The following CDH11 variants were observed in gnomAD, a reference collection of about 807,000 sequenced individuals.
CDH11 encodes the protein cadherin-11.
Under a neutral mutation model 67.8 loss-of-function variants are expected in CDH11, and 11 were observed. The ratio of observed to expected loss-of-function variants is 0.16; its 90% CI spans 0.10 to 0.27. The LOEUF (loss-of-function observed/expected upper bound fraction) is 0.27. Among genes scored for constraint, CDH11 ranks in the 10% least tolerant of loss-of-function variants. CDH11 has a pLI of 1.00. For synonymous variants in CDH11, 419 were observed against 400.0 expected (o/e 1.05, Z -0.57); for missense variants, 847 against 1,031.2 (o/e 0.82, Z 2.45).
At chr16:65,068,595 C>T (rs186268447) in intron 1 of CDH11, among the ~76,000 whole-genome samples, 46 of 152,242 alleles carry the variant, frequency 3.0e-4, no homozygotes, top group Middle Eastern at 3.4e-3. Flanking sequence ...ATTACCAGAT[C>T]ATTTCTGCAC....
intron 7 of CDH11, among the ~76,000 whole-genome samples, chr16:64,984,229 T>C (rs1297920363): frequency 6.6e-6 from 1 of 152,002 alleles, no homozygotes; most frequent in Non-Finnish European, 1.5e-5. Context: ...CCCAGCGAGG[T>C]GGGGGTTGGA....
rs78265108 is a variant in CDH11 at position 65,098,077 on chromosome 16, A to G, written c.-298+23803T>C. Reference sequence around the variant, plus strand: ...AGACTCACCTTGCTCAACACGATGGAGAAAATCAATTATCAAAATAGATCA... The same window carrying G: ...AGACTCACCTTGCTCAACACGATGGGGAAAATCAATTATCAAAATAGATCA... On this transcript the variant is annotated intron_variant, in intron 1 of 12. Transcript: ENST00000268603. Among the ~76,000 whole-genome samples, 375 of 152,312 alleles carry G rather than the reference A, an allele frequency of 2.5e-3. 1 individual carries two copies. Among genetic ancestry groups the G allele is most frequent in the African/African-American group, 8.7e-3 (360 of 41,566 alleles).
intron 1 of CDH11, among the ~76,000 whole-genome samples, chr16:65,091,652 C>T (rs538018474): frequency 1.0e-3 from 153 of 151,290 alleles, no homozygotes; most frequent in African/African-American, 3.5e-3. Context: ...CCTGGGTTCA[C>T]GCCATTCTCC....
At chr16:64,965,941 G>A (rs899330960) in intron 11 of CDH11, among the ~76,000 whole-genome samples, 21 of 151,884 alleles carry the variant, frequency 1.4e-4, no homozygotes, top group Admixed American at 6.6e-5. Flanking sequence ...TTATTTGATA[G>A]CAGACTTGGA....
intron 2 of CDH11, among the ~76,000 whole-genome samples, chr16:65,045,595 A>G (rs963092273): frequency 2.0e-5 from 3 of 151,824 alleles, no homozygotes; most frequent in Non-Finnish European, 2.9e-5. Flanking sequence ...TGATTTATCT[A>G]ATTGCCTTGA....
chr16:64,966,727 AAGG>A (rs2071839957), intron 11 of CDH11, among the ~76,000 whole-genome samples: 1 of 152,152 alleles, frequency 6.6e-6, no homozygotes, highest in Non-Finnish European at 1.5e-5. Context: ...ACATCTTGCT[AAGG>A]ATAATAGTAA....
In CDH11 at chr16:65,121,045, G is replaced by C. The variant is rs961010717; in HGVS notation, c.-298+835C>G. ...GCGTGCCGGGAGCTAGAGAGGCTTG[G>C]CGCGCTCCGAGAAGCGGCGCAGGTT... On this transcript the variant is annotated intron_variant, in intron 1 of 12. Transcript: ENST00000268603. This position sits in a 1 kb window ranked among gnomAD's most constrained non-coding sequence, Gnocchi z 4.1. Among the ~76,000 whole-genome samples the C allele has an allele frequency of 6.6e-6, 1 of 152,198 alleles. No homozygotes were observed. The highest frequency in any genetic ancestry group is 6.5e-5 in the Admixed American group (1 of 15,290).
intron 2 of CDH11, among the ~76,000 whole-genome samples, chr16:65,047,697 T>A (rs1443761566): frequency 6.6e-6 from 1 of 152,204 alleles, no homozygotes; most frequent in African/African-American, 2.4e-5. Context: ...CCATCTTAAC[T>A]GTTTAAATGT....
chr16:64,971,443 T>C (rs560449739), intron 11 of CDH11, 136 bp downstream of exon 11: 10 of 603,182 alleles, frequency 1.7e-5, no homozygotes, highest in East Asian at 5.7e-5. Flanking sequence ...AGAACAGAGG[T>C]GGCATTATTA....
intron 1 of CDH11, among the ~76,000 whole-genome samples, chr16:65,069,360 A>G (rs2074375012): frequency 1.3e-5 from 2 of 152,204 alleles, no homozygotes; most frequent in Non-Finnish European, 2.9e-5. Flanking sequence ...ACAATTCGTG[A>G]GTCAGAGTGA....
chr16:65,039,168 T>G (rs1011019596), intron 2 of CDH11, among the ~76,000 whole-genome samples: 2 of 152,228 alleles, frequency 1.3e-5, no homozygotes, highest in Non-Finnish European at 2.9e-5. Context: ...CCTTGCCATA[T>G]GAAGCAAGTC....
intron 1 of CDH11, among the ~76,000 whole-genome samples, chr16:65,077,664 C>T (rs1040064776): frequency 2.0e-4 from 30 of 152,174 alleles, no homozygotes; most frequent in Non-Finnish European, 4.3e-4. Context: ...GTTTTACAAT[C>T]AACACAATAT....
intron 1 of CDH11, among the ~76,000 whole-genome samples, chr16:65,082,763 A>G (rs2074631979): frequency 6.6e-6 from 1 of 152,202 alleles, no homozygotes; most frequent in Non-Finnish European, 1.5e-5. Context: ...ATCAGCTTGG[A>G]AATTTAGGAA....
In CDH11 at chr16:64,965,771, A is replaced by AACAC. The variant is rs55992835; in HGVS notation, c.1642+5804_1642+5807dup. On this transcript the variant is annotated intron_variant, in intron 11 of 12. Coordinates refer to ENST00000268603, the MANE Select transcript of CDH11 (RefSeq NM_001797.4). ...CAAGACATTGTTATGCGGTGCATGA[A>AACAC]ACACACACACACACACACACACACA... Among the ~76,000 whole-genome samples, 617 of 146,058 alleles carry AACAC rather than the reference A, an allele frequency of 4.2e-3. 4 individuals carry two copies. The highest frequency in any genetic ancestry group is 6.4e-3 in the Non-Finnish European group (426 of 66,750).
rs35153 is a variant in CDH11, at chr16:64,944,255, G to A, written c.*3348C>T. 0.43 allele frequency: 101,312 copies of A among 232,954 alleles called. 23,709 individuals are homozygous for A. Among genetic ancestry groups the A allele is most frequent in the East Asian group, 0.62 (10,297 of 16,512 alleles). 14.4% of individuals were successfully genotyped at this position (232,954 alleles called of 1,614,324 possible). ...TGAAGAGGAGGTTGGGAGGCAGAGG[G>A]TGAGCCAAGAGGTGGGGTCAGTCTT... On this transcript the variant is annotated 3_prime_UTR_variant, in exon 13 of 13. Transcript: ENST00000268603.
At chr16:64,968,595 T>C (rs1001113788) in intron 11 of CDH11, 4 of 982,904 alleles carry the variant, frequency 4.1e-6, no homozygotes, top group East Asian at 2.3e-4. Context: ...TAAGATAAAA[T>C]GAAATAAAAA....
intron 2 of CDH11, among the ~76,000 whole-genome samples, chr16:65,051,701 G>A (rs946797492): frequency 6.6e-6 from 1 of 152,136 alleles, no homozygotes; most frequent in Non-Finnish European, 1.5e-5. Flanking sequence ...CTGTTCTTGT[G>A]ATACTGAGTG....
intron 2 of CDH11, among the ~76,000 whole-genome samples, chr16:65,032,622 C>A (rs926365353): frequency 6.6e-6 from 1 of 152,116 alleles, no homozygotes; most frequent in Non-Finnish European, 1.5e-5. Flanking sequence ...TCTAAGTCTG[C>A]AGCAAAAACA....
intron 7 of CDH11, among the ~76,000 whole-genome samples, chr16:64,984,134 C>G (rs889958471): frequency 2.6e-5 from 4 of 152,174 alleles, no homozygotes; most frequent in Admixed American, 2.0e-4. Flanking sequence ...GTTCAAGCCT[C>G]ATTGCCTTGT....
Sources: gnomAD v4.1 joint callset for allele counts (sites outside exome capture counted in the v4.1 genomes callset) on GRCh38, gnomAD v4.1.1 for gene constraint, Gnocchi (gnomAD v3.1) non-coding constraint, MANE v1.5 for transcripts, NCBI Gene and HGNC (gene_info 2026-07-23, HGNC 2026-07-21) for gene names.